The following DOP1B variants were observed in gnomAD, a reference collection of about 807,000 sequenced individuals.
The protein encoded by DOP1B is protein DOP1B.
In DOP1B, 174 loss-of-function variants were observed where a neutral mutation model predicts 233.5. That is an observed-to-expected ratio of 0.75 (90% CI 0.66 to 0.85). The LOEUF is 0.85. Among genes scored for constraint, DOP1B ranks in the 40% least tolerant of loss-of-function variants. The pLI is 0.00. For synonymous variants in DOP1B, 1,190 were observed against 1,185.6 expected, an observed-to-expected ratio of 1.00 and a Z score of -0.08; for missense variants, 2,652 against 2,846.6, an observed-to-expected ratio of 0.93 and a Z score of 1.56.
chr21:36,220,801 G>T (rs1306125235), intron 10 of DOP1B, among the ~76,000 whole-genome samples: 1 of 151,492 alleles, frequency 6.6e-6, no homozygotes, highest in Non-Finnish European at 1.5e-5. Flanking sequence ...CGCCATGCCT[G>T]GTACTCTCTG....
rs112524572 is a variant in DOP1B, at chr21:36,289,304, A to G, written c.6515+98A>G. On this transcript the variant is annotated intron_variant, in intron 35 of 36. Coordinates refer to ENST00000691173, the MANE Select transcript of DOP1B (RefSeq NM_001320714.2). ...GTTTTTCATGTACAGTTTATGGGAAACCACCATCTGGGTTTCTAGTGACAG... is the reference window on the plus strand; with the variant it reads ...GTTTTTCATGTACAGTTTATGGGAAGCCACCATCTGGGTTTCTAGTGACAG... 8.6e-6 allele frequency: 11 copies of G among 1,285,458 alleles called. 1 individual carries two copies. In the African/African-American group the frequency reaches 1.2e-4, roughly 14 times the overall value. 79.6% of individuals were successfully genotyped at this position (1,285,458 alleles called of 1,614,324 possible). A position where few individuals can be genotyped will look rare whatever the true frequency, so the allele number is the denominator to read the frequency against.
Position 36,199,095 on chromosome 21 carries a change from C to T in DOP1B, c.164C>T (p.Ser55Phe). 6.2e-7 allele frequency: 1 copy of T among 1,613,746 alleles called. No individual in the cohort carries two copies. ...NKALQSNLRY[S>F]LLPRRLLISK... ...GCTCTTCAGAGTAACCTGAGGTACT[C>T]CTTGTTGCCAAGACGGCTCCTCATC... The change falls in exon 3 of 37, where the codon TCC becomes TTC. Residue 55 changes from serine (S) to phenylalanine (F), a missense_variant. Coordinates refer to ENST00000691173, the MANE Select transcript of DOP1B (RefSeq NM_001320714.2).
At chr21:36,240,300 T>C (rs964521347) in intron 18 of DOP1B, among the ~76,000 whole-genome samples, 3 of 151,982 alleles carry the variant, frequency 2.0e-5, no homozygotes, top group African/African-American at 7.3e-5. Flanking sequence ...GCCAATATGG[T>C]GAAACCCCGT....
intron 18 of DOP1B, among the ~76,000 whole-genome samples, chr21:36,242,699 C>G (rs543581810): frequency 6.6e-6 from 1 of 152,164 alleles, no homozygotes; most frequent in African/African-American, 2.4e-5. Context: ...GGTCTGCTAC[C>G]TCCGAATAGG....
Position 36,245,463 on chromosome 21 carries a change from G to A in DOP1B, c.3483G>A (p.Leu1161=), listed in dbSNP as rs1337525219. The part of the protein sequence containing the change: ...GGRAYPKRSA[L]LAAFQSESFK... Reference sequence around the variant, plus strand: ...GGGCGTACCCCAAGCGCTCGGCCCTGCTGGCGGCCTTCCAGTCAGAAAGCT... The same window carrying A: ...GGGCGTACCCCAAGCGCTCGGCCCTACTGGCGGCCTTCCAGTCAGAAAGCT... Residue 1161 remains leucine, a synonymous_variant, in exon 19 of 37, where the codon CTG becomes CTA. Coordinates refer to ENST00000691173, the MANE Select transcript of DOP1B (RefSeq NM_001320714.2). The surrounding 1 kb of genome is among the most constrained non-coding windows in gnomAD (Gnocchi z 5.5). The A allele has an allele frequency of 6.2e-7, 1 of 1,613,890 alleles. No individual in the cohort carries two copies. The highest frequency in any genetic ancestry group is 2.2e-5 in the East Asian group (1 of 44,888).
chr21:36,200,415 A>T lies in DOP1B; in HGVS notation c.405A>T (p.Pro135=), dbSNP rs764556098. The change falls in exon 4 of 37, where the codon CCA becomes CCT. Residue 135 remains proline, a synonymous_variant. Transcript: ENST00000691173. ...CCCTGTACGAGAAGTACTTCCTCCCACTGCAGAAGCTGCTCCTGCCCAGTC... is the reference window on the plus strand; with the variant it reads ...CCCTGTACGAGAAGTACTTCCTCCCTCTGCAGAAGCTGCTCCTGCCCAGTC... ...LLTLYEKYFL[P]LQKLLLPSLQ... 18 of 1,613,352 alleles carry T rather than the reference A, an allele frequency of 1.1e-5. No homozygotes were observed. Among genetic ancestry groups the T allele is most frequent in the Non-Finnish European group, 1.4e-5 (16 of 1,179,984 alleles).
At chr21:36,268,206 G>T (rs1349495414) in intron 26 of DOP1B, among the ~76,000 whole-genome samples, 1 of 152,106 alleles carries the variant, frequency 6.6e-6, no homozygotes, top group African/African-American at 2.4e-5. Flanking sequence ...CATTCCCACA[G>T]TGGCTGTTTA....
intron 2 of DOP1B, among the ~76,000 whole-genome samples, chr21:36,173,585 C>G (rs12482318): frequency 5.3e-5 from 8 of 152,034 alleles, no homozygotes; most frequent in African/African-American, 1.9e-4. Context: ...CCACACCCGG[C>G]TAATTTTTTT....
intron 30 of DOP1B, among the ~76,000 whole-genome samples, chr21:36,280,073 C>A (rs574674155): frequency 3.0e-4 from 46 of 152,302 alleles, no homozygotes; most frequent in African/African-American, 1.1e-3. Flanking sequence ...CAGGGTTTCT[C>A]CATGTTGCTC....
At chr21:36,230,392 A>C (rs762481456) in intron 13 of DOP1B, 58 bp from the exon 14 acceptor site, 1 of 1,520,016 alleles carries the variant, frequency 6.6e-7, no homozygotes, top group Non-Finnish European at 8.9e-7. Flanking sequence ...ATTTCAACTG[A>C]TACTTAAATA....
chr21:36,289,004 C>A (rs777661761), intron 34 of DOP1B, 41 bp from the exon 35 acceptor site: 3 of 1,604,294 alleles, frequency 1.9e-6, no homozygotes, highest in Non-Finnish European at 8.5e-7. Context: ...TATAACAGAT[C>A]TGAATGAATT....
chr21:36,225,422 G>T, intron 11 of DOP1B, 143 bp from the exon 12 acceptor site: 1 of 835,400 alleles, frequency 1.2e-6, no homozygotes, highest in Non-Finnish European at 1.9e-6. Flanking sequence ...GTAGAGATGG[G>T]GTTTCACCAT....
chr21:36,228,942 G>T (rs1569035775), intron 13 of DOP1B, among the ~76,000 whole-genome samples: 2 of 152,110 alleles, frequency 1.3e-5, no homozygotes, highest in South Asian at 4.1e-4. Flanking sequence ...CTGCACTCCA[G>T]CCTGAGTGAG....
At chr21:36,257,692 G>T (rs919780485) in intron 23 of DOP1B, among the ~76,000 whole-genome samples, 10 of 151,756 alleles carry the variant, frequency 6.6e-5, no homozygotes, top group Non-Finnish European at 1.2e-4. Flanking sequence ...ATGTAGGTAG[G>T]TAGGTAGAGA....
At chr21:36,222,328 C>T (rs1200903170) in intron 10 of DOP1B, among the ~76,000 whole-genome samples, 2 of 151,784 alleles carry the variant, frequency 1.3e-5, no homozygotes, top group South Asian at 2.1e-4. Context: ...CCTGTAATTC[C>T]AGCACTTTGG....
At chr21:36,160,577 A>C (rs563822295) in intron 1 of DOP1B, among the ~76,000 whole-genome samples, 2 of 149,920 alleles carry the variant, frequency 1.3e-5, no homozygotes, top group Non-Finnish European at 3.0e-5. Context: ...TCCCAGGTTC[A>C]AACTATTCTC....
intron 4 of DOP1B, among the ~76,000 whole-genome samples, chr21:36,205,913 G>T (rs2066420625): frequency 6.6e-6 from 1 of 152,084 alleles, no homozygotes; most frequent in Non-Finnish European, 1.5e-5. Context: ...AGGAGGCTGA[G>T]CCAGGAGAAT....
At chr21:36,167,606 T>G (rs1357610553) in intron 2 of DOP1B, among the ~76,000 whole-genome samples, 1 of 152,218 alleles carries the variant, frequency 6.6e-6, no homozygotes, top group African/African-American at 2.4e-5. Flanking sequence ...TTAAGTGGCC[T>G]TTAGTATGTT....
In DOP1B at chr21:36,156,891, AG is replaced by A. The variant is rs1180906647; in HGVS notation, c.-76del. The A allele has an allele frequency of 3.5e-4, 54 of 152,366 alleles. No individual in the cohort carries two copies. The highest frequency in any genetic ancestry group is 1.2e-3 in the African/African-American group (49 of 41,530). 9.4% of individuals were successfully genotyped at this position (152,366 alleles called of 1,614,324 possible). A position where few individuals can be genotyped will look rare whatever the true frequency, so the allele number is the denominator to read the frequency against. On this transcript the variant is annotated 5_prime_UTR_variant, in exon 1 of 37. Coordinates refer to ENST00000691173, the MANE Select transcript of DOP1B (RefSeq NM_001320714.2). Reference sequence around the variant, plus strand: ...GCCCAGTCTCTCTCCCCCAGCCCGGAGGGCTCCTCCGCGCCGCACGTGAGCG... The same window carrying A: ...GCCCAGTCTCTCTCCCCCAGCCCGGAGGCTCCTCCGCGCCGCACGTGAGCG...
Sources: allele counts gnomAD v4.1 joint callset (sites outside exome capture counted in the v4.1 genomes callset), GRCh38; gene constraint gnomAD v4.1.1; non-coding constraint Gnocchi (gnomAD v3.1); transcripts MANE v1.5; gene names NCBI Gene and HGNC (gene_info 2026-07-23, HGNC 2026-07-21).